Variants in COTL1 observed in about 807,000 individuals in gnomAD.
The protein encoded by COTL1 is coactosin like F-actin binding protein 1.
COTL1 carries 15 observed loss-of-function variants against 16.5 expected under a neutral mutation model. The observed-to-expected ratio is 0.91, with a 90% CI of 0.61 to 1.40. The LOEUF is 1.40. Among genes scored for constraint, COTL1 ranks in the 40% most tolerant of loss-of-function variants. COTL1 has a pLI of 0.00. For synonymous variants in COTL1, 112 were observed against 85.3 expected, an observed-to-expected ratio of 1.31 and a Z score of -1.73; for missense variants, 220 against 201.5, an observed-to-expected ratio of 1.09 and a Z score of -0.56.
At chr16:84,581,677 G>T (rs1281205215) in intron 3 of COTL1, among the ~76,000 whole-genome samples, 1 of 151,946 alleles carries the variant, frequency 6.6e-6, no homozygotes, top group Admixed American at 6.6e-5. Flanking sequence ...CCTAATTTTT[G>T]TATTTTTAGT....
At chr16:84,593,936 C>A (rs895381664) in intron 2 of COTL1, among the ~76,000 whole-genome samples, 1 of 152,204 alleles carries the variant, frequency 6.6e-6, no homozygotes, top group Non-Finnish European at 1.5e-5. Context: ...TTCTCCACCC[C>A]ATTCCCCCAG....
chr16:84,608,013 A>AG (rs779247780), intron 2 of COTL1, among the ~76,000 whole-genome samples: 4 of 152,164 alleles, frequency 2.6e-5, no homozygotes, highest in Non-Finnish European at 5.9e-5. Context: ...AGCACAAGCG[A>AG]GGGGGACTAT....
At chr16:84,589,197 G>A (rs1042286368) in intron 3 of COTL1, among the ~76,000 whole-genome samples, 7 of 151,584 alleles carry the variant, frequency 4.6e-5, no homozygotes, top group African/African-American at 1.7e-4. Context: ...GTTGGTCTCA[G>A]ACTCCTTAGC....
At chr16:84,592,029 C>T (rs1018707992) in intron 2 of COTL1, among the ~76,000 whole-genome samples, 4 of 152,108 alleles carry the variant, frequency 2.6e-5, no homozygotes, top group Non-Finnish European at 5.9e-5. Flanking sequence ...GGAACCATCC[C>T]GTAAATTGCA....
At chr16:84,567,540 G>C (rs1031706039) in intron 3 of COTL1, 1 of 152,502 alleles carries the variant, frequency 6.6e-6, no homozygotes, top group Non-Finnish European at 1.5e-5. Context: ...GCAAGCTTCA[G>C]CCACCAATGT....
chr16:84,582,173 T>C (rs963676739), intron 3 of COTL1, among the ~76,000 whole-genome samples: 2 of 151,934 alleles, frequency 1.3e-5, no homozygotes, highest in Non-Finnish European at 2.9e-5. Context: ...TTTTGTATTT[T>C]TAGTAGAGAC....
chr16:84,604,716 G>C (rs537893249), intron 2 of COTL1, among the ~76,000 whole-genome samples: 1 of 152,176 alleles, frequency 6.6e-6, no homozygotes, highest in African/African-American at 2.4e-5. Context: ...GGGCCCAGAG[G>C]GGGCTGTGGC....
intron 3 of COTL1, among the ~76,000 whole-genome samples, chr16:84,570,780 A>G (rs1476914031): frequency 6.6e-6 from 1 of 152,210 alleles, no homozygotes; most frequent in Non-Finnish European, 1.5e-5. Flanking sequence ...GAGGTCTTAA[A>G]AGACAAGTCG....
At chr16:84,595,879 G>A (rs1018755402) in intron 2 of COTL1, 19 of 151,924 alleles carry the variant, frequency 1.3e-4, no homozygotes, top group African/African-American at 4.6e-4. Context: ...ATGTATTTGT[G>A]TATGTGTGTT....
intron 3 of COTL1, among the ~76,000 whole-genome samples, chr16:84,571,385 G>T (rs1286258286): frequency 6.6e-6 from 1 of 152,152 alleles, no homozygotes; most frequent in African/African-American, 2.4e-5. Flanking sequence ...GTCCTTAGAG[G>T]TCATCTCTTG....
At chr16:84,573,947 G>A (rs1200286938) in intron 3 of COTL1, among the ~76,000 whole-genome samples, 3 of 152,038 alleles carry the variant, frequency 2.0e-5, no homozygotes, top group Non-Finnish European at 2.9e-5. Context: ...CTTGAACCCC[G>A]GAGTTCCAAG....
intron 2 of COTL1, among the ~76,000 whole-genome samples, chr16:84,608,711 G>C (rs887406652): frequency 6.6e-6 from 1 of 152,208 alleles, no homozygotes; most frequent in Non-Finnish European, 1.5e-5. Flanking sequence ...TTCGAGACCT[G>C]CCTGGACAAC....
intron 2 of COTL1, among the ~76,000 whole-genome samples, chr16:84,598,356 G>C (rs901629278): frequency 1.3e-5 from 2 of 152,138 alleles, no homozygotes; most frequent in African/African-American, 4.8e-5. Context: ...CCCAGGCAGG[G>C]CCCTGAAGGT....
intron 2 of COTL1, chr16:84,616,389 G>T (rs1438154858): frequency 6.6e-6 from 1 of 152,200 alleles, no homozygotes; most frequent in Non-Finnish European, 1.5e-5. Context: ...TGTAATCCCA[G>T]CTACTCAGGA....
At position 84,617,821 on chromosome 16, in the gene COTL1, G is replaced by T. The variant is rs760920177; in HGVS notation, c.77+17C>A. ...AGCCCGGGGAGCGGGGCGTGGAGAC[G>T]AATGAAAAGTTCCTACCAGATGACG... On this transcript the variant is annotated intron_variant, in intron 1 of 3. Transcript: ENST00000262428. 1 of 1,566,132 alleles carries T rather than the reference G, an allele frequency of 6.4e-7. No homozygotes were observed. The highest frequency in any genetic ancestry group is 1.4e-5 in the African/African-American group (1 of 74,006).
chr16:84,590,997 C>G lies in COTL1; in HGVS notation c.161-735G>C, dbSNP rs1008022056. Among the ~76,000 whole-genome samples, 1 of 152,126 alleles carries G rather than the reference C, an allele frequency of 6.6e-6. No individual in the cohort carries two copies. Among genetic ancestry groups the G allele is most frequent in the Non-Finnish European group, 1.5e-5 (1 of 68,038 alleles). On this transcript the variant is annotated intron_variant, in intron 2 of 3. Transcript: ENST00000262428. This position sits in a 1 kb window ranked among gnomAD's most constrained non-coding sequence, Gnocchi z 5.5. ...ATTGGCTGTGTTATGCTTGTTCTATCTTATATAGTCATTTTTATTAAAATG... is the reference window on the plus strand; with the variant it reads ...ATTGGCTGTGTTATGCTTGTTCTATGTTATATAGTCATTTTTATTAAAATG...
chr16:84,614,152 CTTACA>C (rs1176106250), intron 2 of COTL1, among the ~76,000 whole-genome samples: 7 of 152,218 alleles, frequency 4.6e-5, no homozygotes, highest in Non-Finnish European at 8.8e-5. Context: ...GGATTTTCTG[CTTACA>C]TTAATCTGCA....
intron 3 of COTL1, among the ~76,000 whole-genome samples, chr16:84,571,147 T>G (rs1309013394): frequency 6.6e-6 from 1 of 152,180 alleles, no homozygotes; most frequent in East Asian, 1.9e-4. Flanking sequence ...ATGAGCCTGT[T>G]GGCTCCCTTC....
chr16:84,600,183 C>T (rs1905080534), intron 2 of COTL1, among the ~76,000 whole-genome samples: 1 of 152,124 alleles, frequency 6.6e-6, no homozygotes, highest in Non-Finnish European at 1.5e-5. Flanking sequence ...AAAACCAAAC[C>T]AAAAACACCC....
Sources: allele counts gnomAD v4.1 joint callset (sites outside exome capture counted in the v4.1 genomes callset), GRCh38; gene constraint gnomAD v4.1.1; non-coding constraint Gnocchi (gnomAD v3.1); transcripts MANE v1.5; gene names NCBI Gene and HGNC (gene_info 2026-07-23, HGNC 2026-07-21).